The following MGA variants were observed in gnomAD, a reference collection of about 807,000 sequenced individuals.
MGA encodes MAX gene-associated protein.
MGA carries 40 observed loss-of-function variants against 261.1 expected under a neutral mutation model. That is an observed-to-expected ratio of 0.15 (90% CI 0.12 to 0.20). The LOEUF (loss-of-function observed/expected upper bound fraction) is 0.20, where lower values mean the gene tolerates loss of function less well. MGA is among the 10% of genes least tolerant of loss of function. The probability of loss-of-function intolerance (pLI) is 1.00; values close to 1 mark genes in which losing one functional copy is unlikely to be tolerated. For missense variants in MGA, 3,397 were observed against 3,630.5 expected (o/e 0.94, Z 1.65); for synonymous variants, 1,302 against 1,290.6 (o/e 1.01, Z -0.19).
At position 41,762,357 on chromosome 15, in the gene MGA, C is replaced by G. The variant is rs780134605; in HGVS notation, c.7739C>G (p.Ala2580Gly). 9.9e-6 allele frequency: 16 copies of G among 1,612,086 alleles called. No individual in the cohort carries two copies. In the South Asian group the frequency reaches 1.6e-4, roughly 17 times the overall value. ...ATTCTTTCCAGAAAAAAAGACCAGG[C>G]CACAGGTAGGAGGGACATTCTTCGC... is the stretch of plus-strand genomic sequence containing the variant. The change falls in exon 22 of 24, where the codon GCC becomes GGC. Residue 2580 changes from alanine to glycine, a missense_variant. This residue lies in a region of MGA where 647 missense variants were observed against 642.4 expected (regional missense o/e 1.01). Coordinates refer to ENST00000219905, the MANE Select transcript of MGA (RefSeq NM_001164273.2).
chr15:41,633,316 G>A (rs1376371675), intron 1 of MGA, among the ~76,000 whole-genome samples: 1 of 149,740 alleles, frequency 6.7e-6, no homozygotes, highest in African/African-American at 2.4e-5. Flanking sequence ...TTATTTAATC[G>A]CCTAAGTAGT....
At chr15:41,723,276 A>G (rs1188703290) in intron 9 of MGA, among the ~76,000 whole-genome samples, 3 of 152,118 alleles carry the variant, frequency 2.0e-5, no homozygotes, top group Non-Finnish European at 4.4e-5. Flanking sequence ...GTATAAAGGA[A>G]TCAAGTGAAC....
At chr15:41,674,916 T>A in intron 2 of MGA, among the ~76,000 whole-genome samples, 1 of 152,350 alleles carries the variant, frequency 6.6e-6, no homozygotes, top group Non-Finnish European at 1.5e-5. Context: ...TATAGAGAAT[T>A]CCAGCTGAAT....
chr15:41,764,387 G>A (rs1201790277), intron 22 of MGA, among the ~76,000 whole-genome samples: 2 of 151,778 alleles, frequency 1.3e-5, no homozygotes, highest in Non-Finnish European at 1.5e-5. Flanking sequence ...CCGTGTAGCT[G>A]GGACTACAGG....
chr15:41,674,716 C>T (rs2058283190), intron 2 of MGA, among the ~76,000 whole-genome samples: 1 of 152,108 alleles, frequency 6.6e-6, no homozygotes, highest in African/African-American at 2.4e-5. Context: ...GACGGGGTTT[C>T]ACCATGTTGG....
intron 9 of MGA, among the ~76,000 whole-genome samples, chr15:41,716,453 CAAAAAA>C (rs576943311): frequency 1.7e-4 from 26 of 149,090 alleles, no homozygotes; most frequent in African/African-American, 5.9e-4. Flanking sequence ...GACTCCGTAT[CAAAAAA>C]AAGAAAAAGA....
intron 13 of MGA, among the ~76,000 whole-genome samples, chr15:41,738,528 T>C (rs190356094): frequency 6.6e-6 from 1 of 152,374 alleles, no homozygotes; most frequent in Admixed American, 6.5e-5. Context: ...CAGTATTTTC[T>C]CTACCTTATA....
At chr15:41,674,527 AT>A (rs577320137) in intron 2 of MGA, among the ~76,000 whole-genome samples, 4,946 of 147,342 alleles carry the variant, frequency 0.034, 137 homozygotes, top group South Asian at 0.072. Context: ...TTTTATTTTT[AT>A]TTTTTTTTTT....
At chr15:41,712,406 T>C (rs1465376502) in intron 8 of MGA, among the ~76,000 whole-genome samples, 1 of 152,098 alleles carries the variant, frequency 6.6e-6, no homozygotes, top group Non-Finnish European at 1.5e-5. Context: ...AAAATACAAA[T>C]GGGGTTTTGC....
Position 41,708,923 on chromosome 15 carries a change from A to G in MGA, c.2425+715A>G, listed in dbSNP as rs144461263. Among the ~76,000 whole-genome samples the G allele has an allele frequency of 2.4e-3, 360 of 152,290 alleles. 1 individual carries two copies. The highest frequency in any genetic ancestry group is 8.2e-3 in the African/African-American group (340 of 41,556). ...CTTAGTGCTTTTCCTTGTTCACTGC[A>G]TTCGTTTGCAATTTAACCAGATAAA... On this transcript the variant is annotated intron_variant, in intron 7 of 23. Transcript: ENST00000219905.
chr15:41,767,621 G>A lies in MGA; in HGVS notation c.*341G>A, dbSNP rs1402785937. 2.6e-5 allele frequency: 7 copies of A among 271,056 alleles called. No individual in the cohort carries two copies. Among genetic ancestry groups the A allele is most frequent in the Admixed American group, 1.4e-4 (3 of 20,874 alleles). 16.8% of individuals were successfully genotyped at this position (271,056 alleles called of 1,614,324 possible). On this transcript the variant is annotated 3_prime_UTR_variant, in exon 24 of 24. Transcript: ENST00000219905. Reference sequence around the variant, plus strand: ...GGTTTCTAGTTCTTCCCCCACAAGCGAAAGAGCTGTTTGCAACTTTGGAGT... The same window carrying A: ...GGTTTCTAGTTCTTCCCCCACAAGCAAAAGAGCTGTTTGCAACTTTGGAGT...
chr15:41,690,356 T>G (rs2059210671), intron 2 of MGA, among the ~76,000 whole-genome samples: 1 of 152,200 alleles, frequency 6.6e-6, no homozygotes, highest in Non-Finnish European at 1.5e-5. Context: ...GGTTTTTAGT[T>G]TTTGGCTGTT....
At chr15:41,745,469 G>A (rs1291741352) in intron 15 of MGA, among the ~76,000 whole-genome samples, 1 of 150,170 alleles carries the variant, frequency 6.7e-6, no homozygotes, top group Non-Finnish European at 1.5e-5. Flanking sequence ...AAAGAAGAAA[G>A]CTAGAAAATA....
Position 41,696,264 on chromosome 15 carries a change from T to C in MGA, c.1254T>C (p.Asp418=). 3.7e-6 allele frequency: 6 copies of C among 1,613,900 alleles called. No individual in the cohort carries two copies. The highest frequency in any genetic ancestry group is 5.1e-6 in the Non-Finnish European group (6 of 1,179,886). The change falls in exon 3 of 24, where the codon GAT becomes GAC. Residue 418 remains aspartate, a synonymous_variant. Transcript: ENST00000219905. Reference sequence around the variant, plus strand: ...AGACGGATGTATACTCAAACAGTGATGATGATCCTATACTAGAGAAACAGC... The same window carrying C: ...AGACGGATGTATACTCAAACAGTGACGATGATCCTATACTAGAGAAACAGC...
At chr15:41,621,775 C>A (rs1199748010) in intron 1 of MGA, among the ~76,000 whole-genome samples, 1 of 152,008 alleles carries the variant, frequency 6.6e-6, no homozygotes, top group African/African-American at 2.4e-5. Context: ...CGAGGCGCAC[C>A]CACAGCTTTC....
In MGA at chr15:41,639,784, G is replaced by A. The variant is rs1011829284; in HGVS notation, c.-68+18486G>A. ...AGGATGGTCTCGATCTCCTGACCTC[G>A]TGATCTGCCTGCCTTGGCCTCCCAA... On this transcript the variant is annotated intron_variant, in intron 1 of 8. Coordinates refer to the MGA transcript ENST00000566718. 1.6e-4 allele frequency among the ~76,000 whole-genome samples: 25 copies of A among 152,102 alleles called. No homozygotes were observed. The East Asian group carries it at 2.1e-3, about 13-fold the overall frequency.
chr15:41,714,379 C>T (rs1383995815), intron 9 of MGA, among the ~76,000 whole-genome samples: 5 of 152,092 alleles, frequency 3.3e-5, no homozygotes, highest in Admixed American at 1.3e-4. Context: ...ATAAGCTGTA[C>T]GGTGATGAAC....
rs780143235 is a variant in MGA at position 41,713,433 on chromosome 15, G to A, written c.3367G>A (p.Glu1123Lys). ...GGGAGAGGAGGCAAGGGAGGAGGAAGAAGGAATCAGGGAGGAGGAGGAACA... is the reference window on the plus strand; with the variant it reads ...GGGAGAGGAGGCAAGGGAGGAGGAAAAAGGAATCAGGGAGGAGGAGGAACA... The change falls in exon 9 of 24, where the codon GAA (glutamate) becomes AAA (lysine). Residue 1123 changes from glutamate to lysine, a missense_variant. Physicochemically the swap from Glu to Lys is moderately conservative, Grantham distance 56 (BLOSUM62 1). Transcript: ENST00000219905. 7 of 1,571,860 alleles carry A rather than the reference G, an allele frequency of 4.5e-6. No individual in the cohort carries two copies. In the Admixed American group the frequency reaches 1.3e-4, roughly 30 times the overall value.
intron 1 of MGA, among the ~76,000 whole-genome samples, chr15:41,664,234 T>A (rs2057593571): frequency 6.6e-6 from 1 of 152,212 alleles, no homozygotes; most frequent in African/African-American, 2.4e-5. Context: ...AAAGTTGAAA[T>A]AGGTTGATAT....
Sources: allele counts gnomAD v4.1 joint callset (sites outside exome capture counted in the v4.1 genomes callset), GRCh38; gene constraint gnomAD v4.1.1; regional missense constraint gnomAD v4.1.1; transcripts MANE v1.5; gene names NCBI Gene and HGNC (gene_info 2026-07-23, HGNC 2026-07-21).